Variants in CNTNAP2 observed in about 807,000 individuals in gnomAD.
CNTNAP2 encodes the protein contactin-associated protein-like 2.
Under a neutral mutation model 155.2 loss-of-function variants are expected in CNTNAP2, and 98 were observed. The ratio of observed to expected loss-of-function variants is 0.63; its 90% CI spans 0.54 to 0.75. The LOEUF (loss-of-function observed/expected upper bound fraction) is 0.75. Among genes scored for constraint, CNTNAP2 ranks in the 30% least tolerant of loss-of-function variants. The probability of loss-of-function intolerance (pLI) is 0.00; values close to 1 mark genes in which losing one functional copy is unlikely to be tolerated. For missense variants in CNTNAP2, 1,727 were observed against 1,688.1 expected (o/e 1.02, Z -0.40); for synonymous variants, 651 against 631.2 (o/e 1.03, Z -0.47).
intron 18 of CNTNAP2, among the ~76,000 whole-genome samples, chr7:148,197,227 A>G (rs905483086): frequency 6.6e-6 from 1 of 152,230 alleles, no homozygotes; most frequent in Non-Finnish European, 1.5e-5. Flanking sequence ...TACATAATTT[A>G]GATCTTTTAT....
At chr7:146,390,152 T>G (rs1407590131) in intron 1 of CNTNAP2, among the ~76,000 whole-genome samples, 2 of 152,224 alleles carry the variant, frequency 1.3e-5, no homozygotes, top group African/African-American at 4.8e-5. Flanking sequence ...TTAATATTTT[T>G]AAATTTACTT....
intron 14 of CNTNAP2, among the ~76,000 whole-genome samples, chr7:147,906,592 T>C (rs1799962495): frequency 6.6e-6 from 1 of 151,932 alleles, no homozygotes; most frequent in Admixed American, 6.6e-5. Flanking sequence ...CCCAAGTAGC[T>C]GGGACTACAG....
chr7:147,718,678 A>G (rs373540179), intron 13 of CNTNAP2, among the ~76,000 whole-genome samples: 12 of 152,108 alleles, frequency 7.9e-5, no homozygotes, highest in African/African-American at 2.9e-4. Flanking sequence ...TACCATGTAA[A>G]TGGATAGAGA....
At chr7:148,239,935 C>T (rs568501712) in intron 20 of CNTNAP2, among the ~76,000 whole-genome samples, 30 of 152,252 alleles carry the variant, frequency 2.0e-4, no homozygotes, top group Non-Finnish European at 2.4e-4. Flanking sequence ...CACATGGGGT[C>T]CCTAAGAATT....
At chr7:147,756,522 G>T (rs970130290) in intron 13 of CNTNAP2, among the ~76,000 whole-genome samples, 9 of 152,084 alleles carry the variant, frequency 5.9e-5, no homozygotes, top group African/African-American at 2.2e-4. Context: ...CCGATGTTTT[G>T]TCACAGTGCC....
intron 2 of CNTNAP2, among the ~76,000 whole-genome samples, chr7:146,791,230 G>A (rs868289733): frequency 1.3e-5 from 2 of 152,032 alleles, no homozygotes; most frequent in South Asian, 2.1e-4. Context: ...TGAGAATGGC[G>A]GTTTCCAGCT....
chr7:147,671,332 A>C (rs528536733), intron 13 of CNTNAP2, among the ~76,000 whole-genome samples: 1 of 152,310 alleles, frequency 6.6e-6, no homozygotes, highest in East Asian at 1.9e-4. Flanking sequence ...ACTGACAATA[A>C]CAAAGTGTAG....
chr7:146,635,106 T>C (rs12536200), intron 1 of CNTNAP2, among the ~76,000 whole-genome samples: 24,667 of 151,692 alleles, frequency 0.16, 2,779 homozygotes, highest in East Asian at 0.49. Context: ...AAAGAAAATG[T>C]GCGTCCAGGA....
At chr7:146,899,654 A>G (rs1451285408) in intron 3 of CNTNAP2, among the ~76,000 whole-genome samples, 3 of 152,214 alleles carry the variant, frequency 2.0e-5, no homozygotes, top group Non-Finnish European at 4.4e-5. Flanking sequence ...CCAGATAGAT[A>G]GGCTCACGGA....
At chr7:146,369,187 A>T (rs1795198800) in intron 1 of CNTNAP2, among the ~76,000 whole-genome samples, 1 of 151,370 alleles carries the variant, frequency 6.6e-6, no homozygotes, top group East Asian at 1.9e-4. Flanking sequence ...ATGTGTGTGT[A>T]TGTGTGTTTT....
chr7:146,147,511 A>G (rs1584772323), intron 1 of CNTNAP2, among the ~76,000 whole-genome samples: 1 of 152,154 alleles, frequency 6.6e-6, no homozygotes, highest in Non-Finnish European at 1.5e-5. Context: ...TTCGTAATGC[A>G]GATGATTAAA....
At position 147,522,434 on chromosome 7, in the gene CNTNAP2, GA is replaced by G. The variant is rs1027127496; in HGVS notation, c.1777+36401del. ...TAAAGTATCTACCAATAATATTTTA[GA>G]AAAAAAACCTAAAATTTGCACCTTC... On this transcript the variant is annotated intron_variant, in intron 11 of 23. Coordinates refer to ENST00000361727, the MANE Select transcript of CNTNAP2 (RefSeq NM_014141.6). Among the ~76,000 whole-genome samples the G allele has an allele frequency of 4.6e-5, 7 of 151,404 alleles. No homozygotes were observed. In the East Asian group the frequency reaches 7.7e-4, roughly 17 times the overall value.
chr7:146,577,007 TATTTG>T (rs1798535332), intron 1 of CNTNAP2, among the ~76,000 whole-genome samples: 1 of 152,166 alleles, frequency 6.6e-6, no homozygotes, highest in African/African-American at 2.4e-5. Flanking sequence ...TATTACCTAT[TATTTG>T]ATAATCTTAT....
intron 13 of CNTNAP2, among the ~76,000 whole-genome samples, chr7:147,654,804 A>ATT (rs1795500468): frequency 9.6e-6 from 1 of 104,026 alleles, no homozygotes. Context: ...AGCAAAATAT[A>ATT]TTTCTTTTTT....
intron 1 of CNTNAP2, among the ~76,000 whole-genome samples, chr7:146,643,460 A>T (rs1459976496): frequency 1.3e-5 from 2 of 152,132 alleles, no homozygotes; most frequent in Non-Finnish European, 2.9e-5. Flanking sequence ...GTCAAAGATC[A>T]GATAGTTGTA....
At chr7:147,316,634 G>A (rs1268025397) in intron 9 of CNTNAP2, among the ~76,000 whole-genome samples, 2 of 151,986 alleles carry the variant, frequency 1.3e-5, no homozygotes, top group African/African-American at 4.8e-5. Flanking sequence ...TTAGTTACAC[G>A]AATTTTGATT....
At chr7:148,268,643 A>G (rs1796718889) in intron 21 of CNTNAP2, among the ~76,000 whole-genome samples, 1 of 109,996 alleles carries the variant, frequency 9.1e-6, no homozygotes, top group African/African-American at 3.5e-5. Flanking sequence ...CGACAGAGGG[A>G]GACTCTGTCT....
intron 11 of CNTNAP2, among the ~76,000 whole-genome samples, chr7:147,487,287 A>G (rs1798526603): frequency 6.6e-6 from 1 of 152,260 alleles, no homozygotes; most frequent in South Asian, 2.1e-4. Context: ...AATTGATACT[A>G]GATTCATTAT....
At chr7:146,989,918 GA>G (rs1449033996) in intron 3 of CNTNAP2, among the ~76,000 whole-genome samples, 1 of 95,550 alleles carries the variant, frequency 1.0e-5, no homozygotes, top group Admixed American at 1.1e-4. Context: ...TAGTGCCATT[GA>G]TTTTTTTTTT....
Sources: allele counts gnomAD v4.1 joint callset (sites outside exome capture counted in the v4.1 genomes callset), GRCh38; gene constraint gnomAD v4.1.1; transcripts MANE v1.5; gene names NCBI Gene and HGNC (gene_info 2026-07-23, HGNC 2026-07-21).